OTUD7A: variants seen among roughly 807,000 people sequenced by gnomAD.
The protein encoded by OTUD7A is OTU deubiquitinase 7A.
A neutral mutation model predicts 65.7 loss-of-function variants in OTUD7A; 12 were observed. The observed-to-expected ratio is 0.18, with a 90% CI of 0.12 to 0.30. The LOEUF is 0.30. OTUD7A is among the 10% of genes least tolerant of loss of function. The pLI is 1.00. For missense variants in OTUD7A, 1,148 were observed against 1,304.8 expected (o/e 0.88, Z 1.85); for synonymous variants, 641 against 586.3 (o/e 1.09, Z -1.35).
intron 3 of OTUD7A, among the ~76,000 whole-genome samples, chr15:31,626,776 A>G (rs1342239791): frequency 2.0e-5 from 3 of 151,886 alleles, no homozygotes; most frequent in African/African-American, 7.3e-5. Flanking sequence ...GGGTTGTACT[A>G]TATTGCCCAG....
intron 1 of OTUD7A, among the ~76,000 whole-genome samples, chr15:31,782,013 C>A (rs1340024262): frequency 6.6e-6 from 1 of 152,168 alleles, no homozygotes; most frequent in African/African-American, 2.4e-5. Context: ...TTTTATTTTT[C>A]TTTTATGAAC....
chr15:31,781,612 G>A (rs767269073), intron 1 of OTUD7A, among the ~76,000 whole-genome samples: 42 of 152,194 alleles, frequency 2.8e-4, no homozygotes, highest in African/African-American at 7.0e-4. Context: ...CTTAAATTCC[G>A]TCAGTCACAC....
intron 3 of OTUD7A, among the ~76,000 whole-genome samples, chr15:31,632,281 T>G (rs1206043301): frequency 6.6e-6 from 1 of 152,220 alleles, no homozygotes; most frequent in Non-Finnish European, 1.5e-5. Context: ...TGGATGTCCT[T>G]TCTGTTTGTT....
rs6493713 is a variant in OTUD7A at position 31,498,936 on chromosome 15, T to C, written c.1171+2754A>G. On this transcript the variant is annotated intron_variant, in intron 10 of 12. Coordinates refer to ENST00000307050, the MANE Select transcript of OTUD7A (RefSeq NM_001382637.1). This position sits in a 1 kb window ranked among gnomAD's most constrained non-coding sequence, Gnocchi z 4.2. ...CATGTTGCATGCCTAGCCTGGGAAA[T>C]GGGAGGATTCCTGAACTTGAAGATG... 1 allele frequency among the ~76,000 whole-genome samples: 152,297 copies of C among 152,324 alleles called. 76,135 individuals carry two copies. Among genetic ancestry groups the C allele is most frequent in the Middle Eastern group, 1 (294 of 294 alleles).
chr15:31,736,247 T>G (rs1195049545), intron 1 of OTUD7A, among the ~76,000 whole-genome samples: 1 of 152,094 alleles, frequency 6.6e-6, no homozygotes, highest in Non-Finnish European at 1.5e-5. Flanking sequence ...ATAAAAGCAG[T>G]GAACACGTTT....
At chr15:31,490,114 C>T (rs1003758758) in intron 10 of OTUD7A, among the ~76,000 whole-genome samples, 3 of 152,342 alleles carry the variant, frequency 2.0e-5, no homozygotes, top group South Asian at 4.1e-4. Flanking sequence ...AGGTCCTCCT[C>T]GTGAGCAGCG....
intron 1 of OTUD7A, among the ~76,000 whole-genome samples, chr15:31,852,824 A>G (rs1897464389): frequency 2.6e-5 from 4 of 152,264 alleles, no homozygotes; most frequent in Admixed American, 2.6e-4. Context: ...AATATTCATT[A>G]CATTAATGAT....
At chr15:31,554,086 G>A (rs1043267391) in intron 5 of OTUD7A, among the ~76,000 whole-genome samples, 13 of 151,948 alleles carry the variant, frequency 8.6e-5, no homozygotes, top group Admixed American at 2.0e-4. Flanking sequence ...AGACTTTGAT[G>A]TTAGACTCCC....
rs2041037961 is a variant in OTUD7A, at chr15:31,477,283, G to A, written c.*6011C>T. On this transcript the variant is annotated 3_prime_UTR_variant, in exon 13 of 13. Coordinates refer to ENST00000307050, the MANE Select transcript of OTUD7A (RefSeq NM_001382637.1). ...ACCCGTGTTGAACTGGGAAGGACTG[G>A]GAGACACCTAAAGACTGATTACAAA... 1 of 152,334 alleles carries A rather than the reference G, an allele frequency of 6.6e-6. No individual in the cohort carries two copies. The highest frequency in any genetic ancestry group is 2.4e-5 in the African/African-American group (1 of 41,448). The allele number at this position is 152,334 out of a possible 1,614,324, so 9.4% of individuals were successfully genotyped here. A position where few individuals can be genotyped will look rare whatever the true frequency, so the allele number is the denominator to read the frequency against.
At chr15:31,541,226 T>C (rs1887978032) in intron 5 of OTUD7A, among the ~76,000 whole-genome samples, 1 of 152,074 alleles carries the variant, frequency 6.6e-6, no homozygotes, top group African/African-American at 2.4e-5. Flanking sequence ...AAAAGTTGAG[T>C]AGATCTTCGG....
chr15:31,749,729 TA>T (rs1894577941), intron 1 of OTUD7A, among the ~76,000 whole-genome samples: 1 of 151,644 alleles, frequency 6.6e-6, no homozygotes, highest in Non-Finnish European at 1.5e-5. Flanking sequence ...GAGGAAGAAA[TA>T]AAAGGTGTAC....
chr15:31,677,988 C>T (rs1351577345), intron 1 of OTUD7A, among the ~76,000 whole-genome samples: 1 of 152,186 alleles, frequency 6.6e-6, no homozygotes, highest in East Asian at 1.9e-4. Flanking sequence ...CAATCAAGTC[C>T]AGGCTGAGGT....
intron 3 of OTUD7A, among the ~76,000 whole-genome samples, chr15:31,633,641 C>T (rs563690996): frequency 9.9e-5 from 15 of 152,204 alleles, no homozygotes; most frequent in Non-Finnish European, 1.6e-4. Context: ...CAGACCCTCA[C>T]ACCCAGCATG....
intron 1 of OTUD7A, among the ~76,000 whole-genome samples, chr15:31,870,146 G>A (rs1210568148): frequency 2.0e-5 from 3 of 149,934 alleles, no homozygotes; most frequent in Non-Finnish European, 4.5e-5. Flanking sequence ...CCCCACGCCT[G>A]GCATCACGTT....
chr15:31,655,506 T>C (rs1323896995), intron 2 of OTUD7A, among the ~76,000 whole-genome samples: 2 of 151,168 alleles, frequency 1.3e-5, no homozygotes, highest in Non-Finnish European at 2.9e-5. Context: ...AATGTTTGTG[T>C]TCCCTCCCAA....
chr15:31,603,599 C>A (rs891843254), intron 3 of OTUD7A, among the ~76,000 whole-genome samples: 1 of 152,300 alleles, frequency 6.6e-6, no homozygotes, highest in Middle Eastern at 3.4e-3. Context: ...CAAATGGGAT[C>A]TAATTAAACT....
At chr15:31,625,786 AAAC>A (rs1890934006) in intron 3 of OTUD7A, among the ~76,000 whole-genome samples, 1 of 152,180 alleles carries the variant, frequency 6.6e-6, no homozygotes, top group Non-Finnish European at 1.5e-5. Context: ...ATGGATAAAA[AAAC>A]AAACTGTGGT....
At chr15:31,844,055 C>T (rs1381292371) in intron 1 of OTUD7A, among the ~76,000 whole-genome samples, 1 of 152,220 alleles carries the variant, frequency 6.6e-6, no homozygotes, top group Non-Finnish European at 1.5e-5. Flanking sequence ...AGGACATACT[C>T]ACTTCGACGG....
intron 3 of OTUD7A, among the ~76,000 whole-genome samples, chr15:31,648,324 G>A (rs1228735745): frequency 6.6e-6 from 1 of 152,208 alleles, no homozygotes; most frequent in Non-Finnish European, 1.5e-5. Flanking sequence ...AGCCAGGGAA[G>A]TTTAAGTCAC....
Sources: allele counts gnomAD v4.1 joint callset (sites outside exome capture counted in the v4.1 genomes callset), GRCh38; gene constraint gnomAD v4.1.1; non-coding constraint Gnocchi (gnomAD v3.1); transcripts MANE v1.5; gene names NCBI Gene and HGNC (gene_info 2026-07-23, HGNC 2026-07-21).